Variants in PCDHA9 observed in about 807,000 individuals in gnomAD.
The protein encoded by PCDHA9 is protocadherin alpha 9, also known as protocadherin alpha-9.
PCDHA9 carries 62 observed loss-of-function variants against 62.0 expected under a neutral mutation model. That is an observed-to-expected ratio of 1.00 (90% CI 0.81 to 1.23). The LOEUF (loss-of-function observed/expected upper bound fraction) is 1.23. Among genes scored for constraint, PCDHA9 ranks in the 50% most tolerant of loss-of-function variants. PCDHA9 has a pLI of 0.00. For synonymous variants in PCDHA9, 557 were observed against 567.6 expected (o/e 0.98, Z 0.27); for missense variants, 1,205 against 1,249.8 (o/e 0.96, Z 0.54).
At position 140,849,556 on chromosome 5, in the gene PCDHA9, C is replaced by G. The variant is rs2150440514; in HGVS notation, c.1061C>G (p.Thr354Arg). The change falls in exon 1 of 4, where the codon ACG becomes AGG. Residue 354 changes from threonine (T) to arginine (R), a missense_variant. Coordinates refer to ENST00000532602, the MANE Select transcript of PCDHA9 (RefSeq NM_031857.2). ...NDNAPQLTIKTLSVPVKEDAQ... is the reference protein window; with the variant it reads ...NDNAPQLTIKRLSVPVKEDAQ... ...AATGCTCCACAGTTGACTATCAAAA[C>G]GCTCTCGGTTCCTGTAAAAGAGGAC... 3.1e-6 allele frequency: 5 copies of G among 1,598,518 alleles called. 1 individual carries two copies. In the Middle Eastern group the frequency reaches 5.0e-4, roughly 160 times the overall value.
intron 1 of PCDHA9, among the ~76,000 whole-genome samples, chr5:140,956,087 C>T (rs2095255787): frequency 6.6e-6 from 1 of 152,178 alleles, no homozygotes; most frequent in Admixed American, 6.5e-5. Context: ...ATCATGTCAT[C>T]TGCAAACAAA....
chr5:140,848,406 G>T lies in PCDHA9; in HGVS notation c.-90G>T, dbSNP rs2150410052. On this transcript the variant is annotated 5_prime_UTR_variant, in exon 1 of 4. Coordinates refer to ENST00000532602, the MANE Select transcript of PCDHA9 (RefSeq NM_031857.2). ...CACTCTCTCTGTGCTGAACGATGGCGAACACAGCAGAATGGGACTGACGAA... is the reference window on the plus strand; with the variant it reads ...CACTCTCTCTGTGCTGAACGATGGCTAACACAGCAGAATGGGACTGACGAA... The T allele has an allele frequency of 2.9e-3, 3,827 of 1,338,984 alleles. 272 individuals carry two copies. The African/African-American group carries it at 0.048, about 17-fold the overall frequency. The allele number at this position is 1,338,984 out of a possible 1,614,324, so 82.9% of individuals were successfully genotyped here. A position where few individuals can be genotyped will look rare whatever the true frequency, so the allele number is the denominator to read the frequency against.
intron 1 of PCDHA9, chr5:140,871,711 T>C (rs1554165833): frequency 1.2e-6 from 1 of 815,266 alleles, no homozygotes; most frequent in Middle Eastern, 3.7e-4. Flanking sequence ...ATAAATGTCC[T>C]ATTTCTCTTA....
At chr5:140,895,026 A>G (rs549013601) in intron 1 of PCDHA9, among the ~76,000 whole-genome samples, 5 of 152,096 alleles carry the variant, frequency 3.3e-5, no homozygotes, top group African/African-American at 1.2e-4. Flanking sequence ...CCTTTGTTTA[A>G]TTGTCCCCCA....
chr5:140,969,140 T>G, intron 1 of PCDHA9: 1 of 1,613,980 alleles, frequency 6.2e-7, no homozygotes, highest in Non-Finnish European at 8.5e-7. Flanking sequence ...CAAGACCTAC[T>G]GCTACAAGGC....
At chr5:140,982,675 T>C in intron 3 of PCDHA9, 112 bp downstream of exon 3, 1 of 1,441,782 alleles carries the variant, frequency 6.9e-7, no homozygotes, top group Non-Finnish European at 9.1e-7. Flanking sequence ...ATTTTTGTTA[T>C]TCCCTTTTTT....
intron 1 of PCDHA9, chr5:140,969,258 A>G (rs782513796): frequency 9.3e-6 from 15 of 1,614,106 alleles, no homozygotes; most frequent in Admixed American, 8.3e-5. Context: ...GACAGCAGGA[A>G]TCTCACAGGC....
chr5:140,857,059 G>A lies in PCDHA9; in HGVS notation c.2394+6170G>A. On this transcript the variant is annotated intron_variant, in intron 1 of 3. Transcript: ENST00000532602. The stretch of plus-strand genomic sequence containing the variant: ...TGGTTGGTCACTGCACGGTCCTAGT[G>A]GAACTACTGGATGAAAATGATAATT... The A allele has an allele frequency of 4.4e-6, 7 of 1,594,522 alleles. 2 individuals are homozygous for A. The highest frequency in any genetic ancestry group is 6.0e-6 in the Non-Finnish European group (7 of 1,164,610).
chr5:140,871,185 T>C (rs782235765), intron 1 of PCDHA9: 1 of 1,613,600 alleles, frequency 6.2e-7, no homozygotes, highest in Admixed American at 1.7e-5. Flanking sequence ...CGCTGGTGGA[T>C]GTCAACGTGT....
In PCDHA9 at chr5:140,884,016, G is replaced by A. The variant is rs143828814; in HGVS notation, c.2394+33127G>A. 13 of 1,613,090 alleles carry A rather than the reference G, an allele frequency of 8.1e-6. No individual in the cohort carries two copies. In the Admixed American group the frequency reaches 1.2e-4, roughly 14 times the overall value. On this transcript the variant is annotated intron_variant, in intron 1 of 3. Coordinates refer to ENST00000532602, the MANE Select transcript of PCDHA9 (RefSeq NM_031857.2). ...GGCACAGTGAGCGAGCTGATGCCGC[G>A]GTCGGTGGGTGCAGGCCACGTGGTG...
intron 1 of PCDHA9, chr5:140,856,511 G>A (rs1554148790): frequency 6.3e-7 from 1 of 1,598,478 alleles, no homozygotes; most frequent in Non-Finnish European, 8.6e-7. Context: ...TCCACTAGAA[G>A]GCGCATCTGA....
chr5:140,917,313 T>C (rs1294382574), intron 1 of PCDHA9, among the ~76,000 whole-genome samples: 12 of 132,588 alleles, frequency 9.1e-5, no homozygotes, highest in African/African-American at 3.0e-4. Flanking sequence ...TACAATTTGG[T>C]GTTCATGTGG....
chr5:140,868,967 AC>A, intron 1 of PCDHA9: 1 of 1,435,870 alleles, frequency 7.0e-7, no homozygotes, highest in African/African-American at 1.4e-5. Context: ...ATACAAAGGA[AC>A]TCCATCATAC....
chr5:140,961,887 G>GTT (rs35680913), intron 1 of PCDHA9, among the ~76,000 whole-genome samples: 78 of 143,932 alleles, frequency 5.4e-4, no homozygotes, highest in African/African-American at 1.2e-3. Flanking sequence ...ACTTACATCA[G>GTT]TTTTTTTTTT....
intron 1 of PCDHA9, chr5:140,851,460 T>A (rs1270613439): frequency 1.0e-5 from 9 of 901,620 alleles, no homozygotes; most frequent in Non-Finnish European, 1.2e-5. Flanking sequence ...GGAATCAAAT[T>A]ATGTCAATAA....
chr5:140,862,610 G>A (rs2047447715), intron 1 of PCDHA9: 4 of 520,926 alleles, frequency 7.7e-6, no homozygotes, highest in Non-Finnish European at 1.6e-5. Flanking sequence ...TTCGTGAAAG[G>A]TAACAACCCG....
At chr5:140,990,084 C>T (rs31873) in intron 3 of PCDHA9, among the ~76,000 whole-genome samples, 3,615 of 152,028 alleles carry the variant, frequency 0.024, 147 homozygotes, top group African/African-American at 0.081. Flanking sequence ...ACAAAGGATG[C>T]TTGTGCTACT....
At chr5:140,917,354 G>T (rs148449289) in intron 1 of PCDHA9, among the ~76,000 whole-genome samples, 7 of 143,854 alleles carry the variant, frequency 4.9e-5, no homozygotes, top group African/African-American at 1.8e-4. Flanking sequence ...GTAGGCTTCT[G>T]TTCCACTATC....
intron 1 of PCDHA9, chr5:140,858,619 C>T: frequency 8.6e-7 from 1 of 1,161,702 alleles, no homozygotes; most frequent in Non-Finnish European, 1.2e-6. Context: ...TTTATCCTAC[C>T]CAGTGTGTCA....
Sources: gnomAD v4.1 joint callset for allele counts (sites outside exome capture counted in the v4.1 genomes callset) on GRCh38, gnomAD v4.1.1 for gene constraint, MANE v1.5 for transcripts, NCBI Gene and HGNC (gene_info 2026-07-23, HGNC 2026-07-21) for gene names.